MAGEL2: variants seen among roughly 807,000 people sequenced by gnomAD.
MAGEL2 encodes MAGE-like protein 2.
For missense variants in MAGEL2, 1,830 were observed against 1,699.2 expected, an observed-to-expected ratio of 1.08 and a Z score of -1.35; for synonymous variants, 792 against 721.7, an observed-to-expected ratio of 1.10 and a Z score of -1.56.
Position 23,647,234 on chromosome 15 carries a change from G to A in MAGEL2, c.509C>T (p.Ala170Val), listed in dbSNP as rs933826113. 7.2e-6 allele frequency: 11 copies of A among 1,524,390 alleles called. No homozygotes were observed. In the Admixed American group the frequency reaches 1.2e-4, roughly 17 times the overall value. The allele number at this position is 1,524,390 out of a possible 1,614,324, so 94.4% of individuals were successfully genotyped here. A position where few individuals can be genotyped will look rare whatever the true frequency, so the allele number is the denominator to read the frequency against. Residue 170 changes from alanine to valine, a missense_variant, in exon 1 of 1, where the codon GCC (alanine) becomes GTC (valine). Coordinates refer to ENST00000650528, the MANE Select transcript of MAGEL2 (RefSeq NM_019066.5). ...AHPPPPGTPM[A>V]HPPPPGTPMV... is the part of the protein sequence containing the mutation. ...CGGGGTCCCCGGAGGAGGAGGATGG[G>A]CCATCGGGGTCCCCGGAGGAGGAGG...
chr15:23,644,922 G>A lies in MAGEL2; in HGVS notation c.2821C>T (p.Arg941Cys), dbSNP rs548982518. Reference protein sequence around the residue: ...SGDWEHPNTPRGLSGWEGPST... With the variant: ...SGDWEHPNTPCGLSGWEGPST... ...GGGCCCTCCCAACCACTCAGGCCAC[G>A]GGGGGTGTTTGGGTGCTCCCAGTCA... Residue 941 changes from arginine to cysteine, a missense_variant, in exon 1 of 1, where the codon CGT (arginine) becomes TGT (cysteine). Transcript: ENST00000650528. The A allele has an allele frequency of 4.3e-5, 70 of 1,613,218 alleles. No homozygotes were observed. The highest frequency in any genetic ancestry group is 3.5e-4 in the Admixed American group (21 of 60,034).
In MAGEL2 at chr15:23,644,811, C is replaced by T. The variant is rs1250087014; in HGVS notation, c.2932G>A (p.Ala978Thr). 1 of 1,613,066 alleles carries T rather than the reference C, an allele frequency of 6.2e-7. No individual in the cohort carries two copies. Among genetic ancestry groups the T allele is most frequent in the Non-Finnish European group, 8.5e-7 (1 of 1,179,770 alleles). Residue 978 changes from alanine to threonine, a missense_variant, in exon 1 of 1, where the codon GCC becomes ACC. Ala to Thr is a moderately conservative substitution (Grantham distance 58). Coordinates refer to ENST00000650528, the MANE Select transcript of MAGEL2 (RefSeq NM_019066.5). ...SAWEGPSTSR[A>T]LGLSESPGSS... ...CCTGGGCTTTCAGAGAGACCCAGGG[C>T]CCTGGAGGTGCTCGGGCCCTCCCAG...
chr15:23,646,866 C>A lies in MAGEL2; in HGVS notation c.877G>T (p.Gly293Cys), dbSNP rs983547801. Residue 293 changes from glycine to cysteine, a missense_variant, in exon 1 of 1, where the codon GGT (glycine) becomes TGT (cysteine). Coordinates refer to ENST00000650528, the MANE Select transcript of MAGEL2 (RefSeq NM_019066.5). The surrounding 1 kb of genome is among the most constrained non-coding windows in gnomAD (Gnocchi z 4.2). ...GGCTGGGTCATCGGAGCTCTCGCAC[C>A]TGGAGGATGAATCATCAGGACTCCT... ...GPGVLMIHPP[G>C]ARAPMTQPPA... The A allele has an allele frequency of 2.6e-6, 4 of 1,536,530 alleles. No homozygotes were observed. The highest frequency in any genetic ancestry group is 3.5e-6 in the Non-Finnish European group (4 of 1,146,814).
At position 23,646,208 on chromosome 15, in the gene MAGEL2, G is replaced by A. The variant is rs886043318; in HGVS notation, c.1535C>T (p.Pro512Leu). ...TGGGGGTGGCAGGGCCTGCCAGAGC[G>A]GTGGCTGGGTGGCCAGGACCTGTGG... is the stretch of plus-strand genomic sequence containing the variant. ...PAPQVLATQPPLWQALPPPPP... is the reference protein window; with the variant it reads ...PAPQVLATQPLLWQALPPPPP... Residue 512 changes from proline (P) to leucine (L), a missense_variant, in exon 1 of 1, where the codon CCG (proline) becomes CTG (leucine). Transcript: ENST00000650528. This position sits in a 1 kb window ranked among gnomAD's most constrained non-coding sequence, Gnocchi z 4.2. The A allele has an allele frequency of 4.3e-5, 57 of 1,340,684 alleles. No individual in the cohort carries two copies. In the Middle Eastern group the frequency reaches 8.3e-4, roughly 19 times the overall value. The allele number at this position is 1,340,684 out of a possible 1,614,324, so 83.0% of individuals were successfully genotyped here.
Position 23,645,527 on chromosome 15 carries a change from G to C in MAGEL2, c.2216C>G (p.Ser739Trp), listed in dbSNP as rs750031141. ...TTTTGAAGGGGCCCTGCGCTCCTTCGAGGAGGTCCTGCGCTCTTTAGAGGA... is the reference window on the plus strand; with the variant it reads ...TTTTGAAGGGGCCCTGCGCTCCTTCCAGGAGGTCCTGCGCTCTTTAGAGGA... The part of the protein sequence containing the change: ...RGSSKERRTS[S>W]KERRAPSKDR... The change falls in exon 1 of 1, where the codon TCG (serine) becomes TGG (tryptophan). Residue 739 changes from serine (S) to tryptophan (W), a missense_variant. By Grantham distance (177) the Ser-to-Trp change is radical. Coordinates refer to ENST00000650528, the MANE Select transcript of MAGEL2 (RefSeq NM_019066.5). 6 of 1,613,786 alleles carry C rather than the reference G, an allele frequency of 3.7e-6. No homozygotes were observed. Among genetic ancestry groups the C allele is most frequent in the South Asian group, 1.1e-5 (1 of 91,044 alleles).
rs771940768 is a variant in MAGEL2, at chr15:23,643,935, C to G, written c.*58G>C. 2 of 1,480,688 alleles carry G rather than the reference C, an allele frequency of 1.4e-6. No homozygotes were observed. Among genetic ancestry groups the G allele is most frequent in the South Asian group, 1.5e-5 (1 of 66,444 alleles). 91.7% of individuals were successfully genotyped at this position (1,480,688 alleles called of 1,614,324 possible). ...AACACCAGGAACAAAAATGTCCCCC[C>G]ACCCTGTCAGTGGCCTCTGGCCAGG... On this transcript the variant is annotated 3_prime_UTR_variant, in exon 1 of 1. Transcript: ENST00000650528.
chr15:23,644,477 A>C lies in MAGEL2; in HGVS notation c.3266T>G (p.Ile1089Ser). The change falls in exon 1 of 1, where the codon ATC becomes AGC. Residue 1089 changes from isoleucine to serine, a missense_variant. Coordinates refer to ENST00000650528, the MANE Select transcript of MAGEL2 (RefSeq NM_019066.5). ...EIDTKNHAYI[I>S]INKLGYHTGN... is the part of the protein sequence containing the mutation. ...TGTATGGTAGCCCAGCTTGTTGATG[A>C]TAATATAGGCGTGGTTTTTGGTATC... is the stretch of plus-strand genomic sequence containing the variant. 1 of 1,613,964 alleles carries C rather than the reference A, an allele frequency of 6.2e-7. No homozygotes were observed. The highest frequency in any genetic ancestry group is 1.1e-5 in the South Asian group (1 of 91,064).
chr15:23,644,740 C>T lies in MAGEL2; in HGVS notation c.3003G>A (p.Pro1001=), dbSNP rs375960990. The T allele has an allele frequency of 2.2e-5, 35 of 1,613,684 alleles. No individual in the cohort carries two copies. The highest frequency in any genetic ancestry group is 4.5e-5 in the East Asian group (2 of 44,882). Residue 1001 remains proline, a synonymous_variant, in exon 1 of 1, where the codon CCG becomes CCA. Coordinates refer to ENST00000650528, the MANE Select transcript of MAGEL2 (RefSeq NM_019066.5). The stretch of plus-strand genomic sequence containing the variant: ...AATTATCCTGGGTGGCACTGGATCC[C>T]GGAGAGACACTTGCGACCTCAGACA... The part of the protein sequence containing the change: ...VVVSEVASVS[P]GSSATQDNSK...
At position 23,647,164 on chromosome 15, in the gene MAGEL2, G is replaced by C. The variant is rs113984257; in HGVS notation, c.579C>G (p.Pro193=). Residue 193 remains proline, a synonymous_variant, in exon 1 of 1, where the codon CCC becomes CCG. Coordinates refer to ENST00000650528, the MANE Select transcript of MAGEL2 (RefSeq NM_019066.5). ...PPPGTPMAHP[P]PPGTPMAHPP... ...GATGAGCCATCGGTGTCCCCGGAGG[G>C]GGAGGATGAGCCATCGGGGTCCCCG... The C allele has an allele frequency of 1.3e-6, 2 of 1,521,624 alleles. No individual in the cohort carries two copies. Among genetic ancestry groups the C allele is most frequent in the Non-Finnish European group, 1.8e-6 (2 of 1,140,154 alleles). 94.3% of individuals were successfully genotyped at this position (1,521,624 alleles called of 1,614,324 possible).
At position 23,644,417 on chromosome 15, in the gene MAGEL2, T is replaced by G; in HGVS notation, c.3326A>C (p.Lys1109Thr). The G allele has an allele frequency of 6.2e-7, 1 of 1,613,978 alleles. No homozygotes were observed. The highest frequency in any genetic ancestry group is 8.5e-7 in the Non-Finnish European group (1 of 1,179,894). ...NLVASYLDRP[K>T]FGLLMVVLSL... is the part of the protein sequence containing the mutation. ...CAAGACCACCATCAGAAGGCCAAAC[T>G]TGGGCCTGTCTAAATAGGATGCCAC... Residue 1109 changes from lysine (K) to threonine (T), a missense_variant, in exon 1 of 1, where the codon AAG (lysine) becomes ACG (threonine). Coordinates refer to ENST00000650528, the MANE Select transcript of MAGEL2 (RefSeq NM_019066.5).
In MAGEL2 at chr15:23,644,995, A is replaced by T. The variant is rs777681443; in HGVS notation, c.2748T>A (p.Asn916Lys). The T allele has an allele frequency of 1.9e-6, 3 of 1,613,752 alleles. No individual in the cohort carries two copies. Among genetic ancestry groups the T allele is most frequent in the Non-Finnish European group, 2.5e-6 (3 of 1,179,844 alleles). The change falls in exon 1 of 1, where the codon AAT (asparagine) becomes AAA (lysine). Residue 916 changes from asparagine (N) to lysine (K), a missense_variant. Transcript: ENST00000650528. ...HDWQGPRPWE[N>K]LNLSDWEVQS... ...GGACCTCCCAGTCACTCAGATTTAGATTCTCCCAGGGCCTTGGGCCCTGCC... is the reference window on the plus strand; with the variant it reads ...GGACCTCCCAGTCACTCAGATTTAGTTTCTCCCAGGGCCTTGGGCCCTGCC...
chr15:23,647,553 C>T lies in MAGEL2; in HGVS notation c.190G>A (p.Ala64Thr). The T allele has an allele frequency of 6.5e-7, 1 of 1,533,742 alleles. No homozygotes were observed. Among genetic ancestry groups the T allele is most frequent in the South Asian group, 1.2e-5 (1 of 83,680 alleles). Reference sequence around the variant, plus strand: ...AGCTGGCCCTGTGGGGCCTCCCAGGCAGGCTGAGGTGCCTGCCAAGCGGCC... The same window carrying T: ...AGCTGGCCCTGTGGGGCCTCCCAGGTAGGCTGAGGTGCCTGCCAAGCGGCC... The part of the protein sequence containing the change: ...SLAAWQAPQP[A>T]WEAPQGQLPA... Residue 64 changes from alanine (A) to threonine (T), a missense_variant, in exon 1 of 1, where the codon GCC becomes ACC. Ala to Thr is a moderately conservative substitution (Grantham distance 58, BLOSUM62 0). Transcript: ENST00000650528.
In MAGEL2 at chr15:23,646,467, C is replaced by T. The variant is rs1890407784; in HGVS notation, c.1276G>A (p.Gly426Ser). 2 of 1,429,114 alleles carry T rather than the reference C, an allele frequency of 1.4e-6. No individual in the cohort carries two copies. Among genetic ancestry groups the T allele is most frequent in the Non-Finnish European group, 1.8e-6 (2 of 1,099,922 alleles). The allele number at this position is 1,429,114 out of a possible 1,614,324, so 88.5% of individuals were successfully genotyped here. A position where few individuals can be genotyped will look rare whatever the true frequency, so the allele number is the denominator to read the frequency against. Residue 426 changes from glycine to serine, a missense_variant, in exon 1 of 1, where the codon GGC (glycine) becomes AGC (serine). Physicochemically the swap from Gly to Ser is moderately conservative, Grantham distance 56. Coordinates refer to ENST00000650528, the MANE Select transcript of MAGEL2 (RefSeq NM_019066.5). This position sits in a 1 kb window ranked among gnomAD's most constrained non-coding sequence, Gnocchi z 4.2. ...IRPGPPPIRPGPPPVRQAPPL... is the reference protein window; with the variant it reads ...IRPGPPPIRPSPPPVRQAPPL... ...GGGGCCTGTCGCACCGGTGGTGGGC[C>T]AGGGCGGATGGGTGGTGGGCCAGGG...
rs976472043 is a variant in MAGEL2, at chr15:23,646,525, C to T, written c.1218G>A (p.Pro406=). Residue 406 remains proline (P), a synonymous_variant, in exon 1 of 1, where the codon CCG becomes CCA. Coordinates refer to ENST00000650528, the MANE Select transcript of MAGEL2 (RefSeq NM_019066.5). This position sits in a 1 kb window ranked among gnomAD's most constrained non-coding sequence, Gnocchi z 4.2. ...GCGGGGGCCCCTGGCGCATGGGCGG[C>T]GGCACCTGCCAGGTAACGGCTGGTG... ...WQAPAVTWQV[P]PPMRQGPPPI... 6.8e-6 allele frequency: 10 copies of T among 1,468,842 alleles called. No homozygotes were observed. In the African/African-American group the frequency reaches 8.5e-5, roughly 12 times the overall value. The allele number at this position is 1,468,842 out of a possible 1,614,324, so 91.0% of individuals were successfully genotyped here.
rs753063313 is a variant in MAGEL2 at position 23,644,037 on chromosome 15, C to T, written c.3706G>A (p.Gly1236Ser). 4.2e-5 allele frequency: 68 copies of T among 1,610,684 alleles called. No homozygotes were observed. Among genetic ancestry groups the T allele is most frequent in the Non-Finnish European group, 5.5e-5 (65 of 1,178,048 alleles). Residue 1236 changes from glycine to serine, a missense_variant, in exon 1 of 1, where the codon GGT becomes AGT. Gly to Ser is a moderately conservative substitution (Grantham distance 56). Coordinates refer to ENST00000650528, the MANE Select transcript of MAGEL2 (RefSeq NM_019066.5). ...CTGGTGGGGCCGTGGGCACTGTCAC[C>T]GGTGTCAGGTTCATCCTCATCTGTG... ...EDTDEDEPDT[G>S]DSAHGPTSRP...
In MAGEL2 at chr15:23,644,350, C is replaced by T. The variant is rs764635524; in HGVS notation, c.3393G>A (p.Leu1131=). 59 of 1,613,756 alleles carry T rather than the reference C, an allele frequency of 3.7e-5. No homozygotes were observed. Among genetic ancestry groups the T allele is most frequent in the Non-Finnish European group, 4.8e-5 (57 of 1,179,890 alleles). ...FMKGNCVRED[L]IFNFLFKLGL... ...CTAACTTGAACAGAAAATTAAAGATCAGATCCTCCCTGACACAGTTGCCTT... is the reference window on the plus strand; with the variant it reads ...CTAACTTGAACAGAAAATTAAAGATTAGATCCTCCCTGACACAGTTGCCTT... Residue 1131 remains leucine (L), a synonymous_variant, in exon 1 of 1, where the codon CTG becomes CTA. Coordinates refer to ENST00000650528, the MANE Select transcript of MAGEL2 (RefSeq NM_019066.5).
chr15:23,644,925 G>T lies in MAGEL2; in HGVS notation c.2818C>A (p.Pro940Thr). Residue 940 changes from proline to threonine, a missense_variant, in exon 1 of 1, where the codon CCC (proline) becomes ACC (threonine). By Grantham distance (38) the Pro-to-Thr change is conservative. Coordinates refer to ENST00000650528, the MANE Select transcript of MAGEL2 (RefSeq NM_019066.5). ...CCCTCCCAACCACTCAGGCCACGGG[G>T]GGTGTTTGGGTGCTCCCAGTCACCC... ...VSGDWEHPNT[P>T]RGLSGWEGPS... 3.1e-6 allele frequency: 5 copies of T among 1,613,500 alleles called. No individual in the cohort carries two copies. The highest frequency in any genetic ancestry group is 4.5e-5 in the East Asian group (2 of 44,868).
rs1206500438 is a variant in MAGEL2 at position 23,644,277 on chromosome 15, G to T, written c.3466C>A (p.Leu1156Ile). 6.2e-7 allele frequency: 1 copy of T among 1,613,670 alleles called. No individual in the cohort carries two copies. Among genetic ancestry groups the T allele is most frequent in the East Asian group, 2.2e-5 (1 of 44,878 alleles). Reference sequence around the variant, plus strand: ...TGCCTGACAAACACTTCGGTGATGAGCTTCTTAGTATTTCCAAAGAGACCG... The same window carrying T: ...TGCCTGACAAACACTTCGGTGATGATCTTCTTAGTATTTCCAAAGAGACCG... ...TNGLFGNTKK[L>I]ITEVFVRQKY... Residue 1156 changes from leucine to isoleucine, a missense_variant, in exon 1 of 1, where the codon CTC (leucine) becomes ATC (isoleucine). Physicochemically the swap from Leu to Ile is conservative, Grantham distance 5. Coordinates refer to ENST00000650528, the MANE Select transcript of MAGEL2 (RefSeq NM_019066.5).
chr15:23,644,355 C>T lies in MAGEL2; in HGVS notation c.3388G>A (p.Asp1130Asn), dbSNP rs189907574. The change falls in exon 1 of 1, where the codon GAT becomes AAT. Residue 1130 changes from aspartate (D) to asparagine (N), a missense_variant. Coordinates refer to ENST00000650528, the MANE Select transcript of MAGEL2 (RefSeq NM_019066.5). ...TTGAACAGAAAATTAAAGATCAGAT[C>T]CTCCCTGACACAGTTGCCTTTCATA... ...IFMKGNCVRE[D>N]LIFNFLFKLG... The T allele has an allele frequency of 1.4e-4, 223 of 1,613,906 alleles. 1 individual carries two copies. The highest frequency in any genetic ancestry group is 7.6e-4 in the South Asian group (69 of 91,070).
Sources: allele counts gnomAD v4.1 joint callset, GRCh38; gene constraint gnomAD v4.1.1; non-coding constraint Gnocchi (gnomAD v3.1); transcripts MANE v1.5; gene names NCBI Gene and HGNC (gene_info 2026-07-23, HGNC 2026-07-21).